The following CAAP1 variants were observed in gnomAD, a reference collection of about 807,000 sequenced individuals.
CAAP1 encodes caspase activity and apoptosis inhibitor 1.
CAAP1 carries 20 observed loss-of-function variants against 34.0 expected under a neutral mutation model. That is an observed-to-expected ratio of 0.59 (90% confidence interval 0.41 to 0.86). CAAP1 has a LOEUF of 0.86. Ranked by LOEUF, CAAP1 falls within the 40% of genes least tolerant of loss-of-function variation. The probability of loss-of-function intolerance (pLI) is 0.00; values close to 1 mark genes in which losing one functional copy is unlikely to be tolerated. For synonymous variants in CAAP1, 213 were observed against 166.7 expected, an observed-to-expected ratio of 1.28 and a Z score of -2.14; for missense variants, 538 against 450.5, an observed-to-expected ratio of 1.19 and a Z score of -1.76.
At chr9:26,848,085 CA>C (rs1215488887) in intron 5 of CAAP1, among the ~76,000 whole-genome samples, 1 of 152,146 alleles carries the variant, frequency 6.6e-6, no homozygotes, top group African/African-American at 2.4e-5. Context: ...TAATCTTATG[CA>C]TAAGAACTGT....
At chr9:26,891,344 C>T (rs1388375844) in intron 1 of CAAP1, among the ~76,000 whole-genome samples, 3 of 151,960 alleles carry the variant, frequency 2.0e-5, no homozygotes, top group African/African-American at 7.3e-5. Flanking sequence ...TTAAAAAATG[C>T]CATCAAAATG....
chr9:26,840,912 GT>G lies in CAAP1; in HGVS notation c.*1388del, dbSNP rs1470165073. On this transcript the variant is annotated 3_prime_UTR_variant, in exon 6 of 6. Transcript: ENST00000333916. ...AACAATGAACTCATAACTCAAATCTGTTTACCAGCTTAAGAGAAGCATTTAA... is the reference window on the plus strand; with the variant it reads ...AACAATGAACTCATAACTCAAATCTGTTACCAGCTTAAGAGAAGCATTTAA... The G allele has an allele frequency of 3.3e-5, 5 of 152,194 alleles. No individual in the cohort carries two copies. The highest frequency in any genetic ancestry group is 1.9e-4 in the East Asian group (1 of 5,184). 9.4% of individuals were successfully genotyped at this position (152,194 alleles called of 1,614,324 possible). A position where few individuals can be genotyped will look rare whatever the true frequency, so the allele number is the denominator to read the frequency against.
chr9:26,879,790 G>C (rs2131333615), intron 4 of CAAP1, among the ~76,000 whole-genome samples: 1 of 152,318 alleles, frequency 6.6e-6, no homozygotes, highest in East Asian at 1.9e-4. Flanking sequence ...ACTTATGCCA[G>C]TGTTTGCCAG....
At chr9:26,873,778 T>C (rs1823339192) in intron 4 of CAAP1, among the ~76,000 whole-genome samples, 1 of 152,246 alleles carries the variant, frequency 6.6e-6, no homozygotes, top group South Asian at 2.1e-4. Flanking sequence ...TCACAATTCC[T>C]AATAGTTTTA....
chr9:26,844,237 A>G (rs898667725), intron 5 of CAAP1, among the ~76,000 whole-genome samples: 8 of 152,162 alleles, frequency 5.3e-5, no homozygotes, highest in African/African-American at 1.9e-4. Context: ...CATGCCTGTA[A>G]TCCCAGCTAC....
intron 5 of CAAP1, among the ~76,000 whole-genome samples, chr9:26,843,606 A>T (rs887806843): frequency 3.0e-4 from 45 of 151,000 alleles, no homozygotes; most frequent in East Asian, 2.7e-3. Flanking sequence ...TTTTTTTTTT[A>T]AAAAGTCATG....
intron 1 of CAAP1, among the ~76,000 whole-genome samples, chr9:26,888,798 T>A (rs890597266): frequency 1.3e-5 from 2 of 152,244 alleles, no homozygotes; most frequent in Non-Finnish European, 2.9e-5. Context: ...CTTGTACTTG[T>A]TCTTAACAGC....
chr9:26,892,746 TC>T lies in CAAP1; in HGVS notation c.-32del. 6.5e-7 allele frequency: 1 copy of T among 1,549,730 alleles called. No individual in the cohort carries two copies. ...CTCTGCTGCAACCATCGGAGGAAAG[TC>T]CGCTGTCTCTGGTGCGACCGAAGCC... On this transcript the variant is annotated 5_prime_UTR_variant, in exon 1 of 6. Transcript: ENST00000333916.
chr9:26,874,656 C>T (rs1587116444), intron 4 of CAAP1, among the ~76,000 whole-genome samples: 1 of 152,166 alleles, frequency 6.6e-6, no homozygotes, highest in African/African-American at 2.4e-5. Context: ...TCCTAATCTT[C>T]ATCCCCATTA....
At position 26,885,121 on chromosome 9, in the gene CAAP1, G is replaced by A. The variant is rs141513459; in HGVS notation, c.590-236C>T. Among the ~76,000 whole-genome samples, 1,255 of 141,012 alleles carry A rather than the reference G, an allele frequency of 8.9e-3. 14 individuals carry two copies. The highest frequency in any genetic ancestry group is 0.031 in the African/African-American group (1,171 of 37,688). 92.5% of individuals were successfully genotyped at this position (141,012 alleles called of 152,430 possible). A position where few individuals can be genotyped will look rare whatever the true frequency, so the allele number is the denominator to read the frequency against. On this transcript the variant is annotated intron_variant, in intron 3 of 5. Coordinates refer to ENST00000333916, the MANE Select transcript of CAAP1 (RefSeq NM_024828.4). ...AGACGGAGTGTCACACTGTCACCCC[G>A]GCTGGTGTGCAGTGGCATGACCTCG...
intron 4 of CAAP1, among the ~76,000 whole-genome samples, chr9:26,870,901 G>A (rs889634376): frequency 2.0e-5 from 3 of 152,102 alleles, no homozygotes; most frequent in Admixed American, 6.5e-5. Flanking sequence ...ACAGGCGTGA[G>A]CCACCGCGCC....
intron 5 of CAAP1, among the ~76,000 whole-genome samples, chr9:26,843,922 T>C (rs1316214434): frequency 1.3e-5 from 2 of 152,346 alleles, no homozygotes; most frequent in East Asian, 3.9e-4. Context: ...ATTATCATTT[T>C]ATTTGATGGC....
intron 5 of CAAP1, among the ~76,000 whole-genome samples, chr9:26,852,458 A>T (rs1822775318): frequency 6.6e-6 from 1 of 151,930 alleles, no homozygotes. Context: ...CTGTCTCAAA[A>T]ACCAACAACA....
Position 26,892,466 on chromosome 9 carries a change from G to A in CAAP1, c.250C>T (p.Arg84Cys), listed in dbSNP as rs1485739798. 1.9e-6 allele frequency: 3 copies of A among 1,566,546 alleles called. No homozygotes were observed. Among genetic ancestry groups the A allele is most frequent in the South Asian group, 2.3e-5 (2 of 86,362 alleles). ...GAGTCGGTACTCCTCCGCTTCCGGCGCTCGCTGCGCTCCACGCTGCTCCCG... is the reference window on the plus strand; with the variant it reads ...GAGTCGGTACTCCTCCGCTTCCGGCACTCGCTGCGCTCCACGCTGCTCCCG... ...WGGSSVERSE[R>C]RKRRSTDSSS... is the part of the protein sequence containing the mutation. The change falls in exon 1 of 6, where the codon CGC becomes TGC. Residue 84 changes from arginine (R) to cysteine (C), a missense_variant. Physicochemically the swap from Arg to Cys is radical, Grantham distance 180. Transcript: ENST00000333916.
chr9:26,866,643 T>C (rs568490352), intron 4 of CAAP1, among the ~76,000 whole-genome samples: 4 of 152,316 alleles, frequency 2.6e-5, no homozygotes, highest in African/African-American at 4.8e-5. Context: ...CCTTTGAAGC[T>C]TGGGACCTTA....
chr9:26,855,241 C>G (rs1822842235), intron 5 of CAAP1, among the ~76,000 whole-genome samples: 1 of 152,168 alleles, frequency 6.6e-6, no homozygotes, highest in Non-Finnish European at 1.5e-5. Flanking sequence ...AGGCTACACA[C>G]TGTATGATTC....
chr9:26,860,612 G>A (rs1425864767), intron 5 of CAAP1, among the ~76,000 whole-genome samples: 5 of 152,094 alleles, frequency 3.3e-5, no homozygotes, highest in Admixed American at 2.0e-4. Flanking sequence ...CTAACACGGT[G>A]AAACCCTGTC....
At chr9:26,889,628 GAGGC>G (rs1218371363) in intron 1 of CAAP1, among the ~76,000 whole-genome samples, 123 of 152,054 alleles carry the variant, frequency 8.1e-4, no homozygotes, top group African/African-American at 2.8e-3. Context: ...GCCGAGGTGG[GAGGC>G]TGAGGGGGGC....
chr9:26,858,236 GA>G (rs772963668), intron 5 of CAAP1, among the ~76,000 whole-genome samples: 5 of 132,160 alleles, frequency 3.8e-5, no homozygotes, highest in Non-Finnish European at 8.4e-5. Flanking sequence ...AGAGATATTA[GA>G]TTTTGCAGGT....
Sources: allele counts gnomAD v4.1 joint callset (sites outside exome capture counted in the v4.1 genomes callset), GRCh38; gene constraint gnomAD v4.1.1; transcripts MANE v1.5; gene names NCBI Gene and HGNC (gene_info 2026-07-23, HGNC 2026-07-21).